WHAMM: variants seen among roughly 807,000 people sequenced by gnomAD.
WHAMM encodes the protein WASP homolog-associated protein with actin, membranes and microtubules.
WHAMM carries 67 observed loss-of-function variants against 76.5 expected under a neutral mutation model. That is an observed-to-expected ratio of 0.88 (90% CI 0.72 to 1.07). WHAMM has a LOEUF of 1.07. Ranked by LOEUF, WHAMM falls within the 50% of genes least tolerant of loss-of-function variation. The pLI is 0.00. For synonymous variants in WHAMM, 419 were observed against 422.1 expected, an observed-to-expected ratio of 0.99 and a Z score of 0.09; for missense variants, 1,021 against 1,051.1, an observed-to-expected ratio of 0.97 and a Z score of 0.40.
rs1287079918 is a variant in WHAMM at position 82,813,269 on chromosome 15, A to T, written c.776A>T (p.Asp259Val). 2 of 1,544,688 alleles carry T rather than the reference A, an allele frequency of 1.3e-6. No homozygotes were observed. Among genetic ancestry groups the T allele is most frequent in the South Asian group, 2.5e-5 (2 of 80,144 alleles). ...GAAGTTGCAACTTTATGTAAGCTTG[A>T]TATTTTGGTATGTTTTTTTAAAATT... ...MREVATLCKL[D>V]ILKSLDEDDL... The change falls in exon 2 of 10, where the codon GAT becomes GTT. Residue 259 changes from aspartate (D) to valine (V), a missense_variant. Physicochemically the swap from Asp to Val is radical, Grantham distance 152. This residue lies in a region of WHAMM where 501 missense variants were observed against 524.9 expected (regional missense o/e 0.95). Transcript: ENST00000286760.
At chr15:82,817,486 A>C (rs1394135556) in intron 3 of WHAMM, among the ~76,000 whole-genome samples, 2 of 152,190 alleles carry the variant, frequency 1.3e-5, no homozygotes, top group Non-Finnish European at 2.9e-5. Flanking sequence ...TACCTTCATA[A>C]AACAGAAAAC....
At position 82,833,306 on chromosome 15, in the gene WHAMM, C is replaced by T; in HGVS notation, c.2200C>T (p.Pro734Ser). The T allele has an allele frequency of 6.2e-7, 1 of 1,613,934 alleles. No individual in the cohort carries two copies. The highest frequency in any genetic ancestry group is 8.5e-7 in the Non-Finnish European group (1 of 1,179,862). ...GAAGGTGGAAGTGCCGGCGGTGCGC[C>T]CTCCCCACGCCTCAATCAATGAGCA... ...LRKVEVPAVR[P>S]PHASINEHIL... is the part of the protein sequence containing the mutation. The change falls in exon 10 of 10, where the codon CCT becomes TCT. Residue 734 changes from proline to serine, a missense_variant. Physicochemically the swap from Pro to Ser is moderately conservative, Grantham distance 74 (BLOSUM62 -1). This residue lies in a region of WHAMM where 509 missense variants were observed against 492.3 expected (regional missense o/e 1.03). Coordinates refer to ENST00000286760, the MANE Select transcript of WHAMM (RefSeq NM_001080435.3).
At chr15:82,829,237 G>T (rs1344937555) in intron 8 of WHAMM, among the ~76,000 whole-genome samples, 1 of 152,198 alleles carries the variant, frequency 6.6e-6, no homozygotes, top group Non-Finnish European at 1.5e-5. Flanking sequence ...TCAGGAAGGT[G>T]AGGCAGGTGG....
chr15:82,828,549 G>A (rs1337838095), intron 8 of WHAMM, among the ~76,000 whole-genome samples: 2 of 152,222 alleles, frequency 1.3e-5, no homozygotes, highest in African/African-American at 4.8e-5. Context: ...AATGGAGTCA[G>A]TGTGGAGGAA....
intron 8 of WHAMM, among the ~76,000 whole-genome samples, chr15:82,829,176 T>TA (rs1482215979): frequency 6.6e-6 from 1 of 152,196 alleles, no homozygotes; most frequent in Non-Finnish European, 1.5e-5. Flanking sequence ...ATGTGCAATA[T>TA]AAGGCAGAAC....
chr15:82,810,949 G>A (rs1332708128), intron 1 of WHAMM, among the ~76,000 whole-genome samples: 1 of 152,142 alleles, frequency 6.6e-6, no homozygotes. Flanking sequence ...CTGAACCTAA[G>A]GGGAGGGGAA....
rs2051011327 is a variant in WHAMM at position 82,830,628 on chromosome 15, C to G, written c.1671C>G (p.Thr557=). The change falls in exon 9 of 10, where the codon ACC becomes ACG. Residue 557 remains threonine (T), a synonymous_variant. Coordinates refer to ENST00000286760, the MANE Select transcript of WHAMM (RefSeq NM_001080435.3). ...DKRLAQSVRN[T]SGSEPVAPNL... ...GCCTAGCTCAATCTGTCCGAAACAC[C>G]TCTGGCTCAGAACCTGTGGCTCCAA... The G allele has an allele frequency of 6.2e-7, 1 of 1,613,742 alleles. No homozygotes were observed. The highest frequency in any genetic ancestry group is 1.1e-5 in the South Asian group (1 of 91,078).
Position 82,830,887 on chromosome 15 carries a change from C to G in WHAMM, c.1930C>G (p.Pro644Ala). The G allele has an allele frequency of 6.3e-7, 1 of 1,582,982 alleles. No homozygotes were observed. Among genetic ancestry groups the G allele is most frequent in the Non-Finnish European group, 8.6e-7 (1 of 1,164,312 alleles). Residue 644 changes from proline (P) to alanine (A), a missense_variant, in exon 9 of 10, where the codon CCT becomes GCT. Physicochemically the swap from Pro to Ala is conservative, Grantham distance 27 (BLOSUM62 -1). Transcript: ENST00000286760. ...EELSLPPPPP[P>A]PPPPPPPPPP... ...ATTGTCACTGCCACCACCTCCTCCT[C>G]CTCCACCACCACCACCGCCGCCACC...
chr15:82,825,624 T>C (rs571753877), intron 6 of WHAMM, among the ~76,000 whole-genome samples: 1 of 152,238 alleles, frequency 6.6e-6, no homozygotes, highest in Non-Finnish European at 1.5e-5. Flanking sequence ...CTCACAGTTT[T>C]CTCATCTGTT....
chr15:82,823,619 G>A (rs1309005505), intron 6 of WHAMM, among the ~76,000 whole-genome samples: 2 of 152,138 alleles, frequency 1.3e-5, no homozygotes, highest in African/African-American at 2.4e-5. Flanking sequence ...AGGCTAGAGT[G>A]CAGAGGCATG....
chr15:82,819,944 C>T (rs2050791120), intron 5 of WHAMM, among the ~76,000 whole-genome samples: 1 of 151,940 alleles, frequency 6.6e-6, no homozygotes, highest in Non-Finnish European at 1.5e-5. Context: ...ATGGCTTGAA[C>T]CTGGGAGGTG....
In WHAMM at chr15:82,833,767, G is replaced by T. The variant is rs529369015; in HGVS notation, c.*231G>T. The T allele has an allele frequency of 6.1e-5, 31 of 505,102 alleles. No individual in the cohort carries two copies. The allele number at this position is 505,102 out of a possible 1,614,324, so 31.3% of individuals were successfully genotyped here. ...TGCAGTGGCGCCATCTCGGCTCACC[G>T]CAAGCTCCGCTTCCCAGGCTGGGGT... On this transcript the variant is annotated 3_prime_UTR_variant, in exon 10 of 10. Transcript: ENST00000286760.
intron 6 of WHAMM, 113 bp downstream of exon 6, chr15:82,823,400 G>A (rs1358477123): frequency 1.1e-6 from 1 of 948,530 alleles, no homozygotes; most frequent in African/African-American, 1.7e-5. Flanking sequence ...TACATTTTGT[G>A]TGCTTATGTA....
At chr15:82,827,831 G>A (rs1342287639) in intron 8 of WHAMM, among the ~76,000 whole-genome samples, 1 of 152,072 alleles carries the variant, frequency 6.6e-6, no homozygotes, top group Non-Finnish European at 1.5e-5. Context: ...TGTAGTCCCA[G>A]GTACTTGGGA....
intron 2 of WHAMM, among the ~76,000 whole-genome samples, chr15:82,813,647 ATTTTTTTTTTT>A (rs10563149): frequency 5.3e-4 from 32 of 60,112 alleles, no homozygotes; most frequent in Admixed American, 3.2e-3. Context: ...CTGGTGATGA[ATTTTTTTTTTT>A]TTTTTTTTTT....
intron 5 of WHAMM, among the ~76,000 whole-genome samples, chr15:82,822,834 A>G (rs1421299179): frequency 6.6e-6 from 1 of 151,794 alleles, no homozygotes; most frequent in African/African-American, 2.4e-5. Context: ...GTATATATAT[A>G]TATACACACA....
intron 8 of WHAMM, among the ~76,000 whole-genome samples, chr15:82,827,771 C>A (rs2050960598): frequency 6.6e-6 from 1 of 152,044 alleles, no homozygotes; most frequent in South Asian, 2.1e-4. Context: ...ATGGTGAAAC[C>A]CTGTCTCTAC....
intron 1 of WHAMM, 31 bp from the exon 2 acceptor site, chr15:82,813,072 G>C: frequency 6.4e-7 from 1 of 1,557,938 alleles, no homozygotes; most frequent in Non-Finnish European, 8.7e-7. Flanking sequence ...ATACTGTCCT[G>C]ACTTGAGCTT....
chr15:82,825,470 A>G (rs2050915452), intron 6 of WHAMM, among the ~76,000 whole-genome samples: 1 of 152,122 alleles, frequency 6.6e-6, no homozygotes, highest in African/African-American at 2.4e-5. Flanking sequence ...AGCTCTTTCC[A>G]CTGATTCTGG....
Sources: gnomAD v4.1 joint callset for allele counts (sites outside exome capture counted in the v4.1 genomes callset) on GRCh38, gnomAD v4.1.1 for gene constraint, gnomAD v4.1.1 regional missense constraint, MANE v1.5 for transcripts, NCBI Gene and HGNC (gene_info 2026-07-23, HGNC 2026-07-21) for gene names.